Variants in BDP1 observed in about 807,000 individuals in gnomAD.
BDP1 encodes transcription factor TFIIIB component B'' homolog.
Under a neutral mutation model 266.6 loss-of-function variants are expected in BDP1, and 169 were observed. The ratio of observed to expected loss-of-function variants is 0.63; its 90% CI spans 0.56 to 0.72. The LOEUF (loss-of-function observed/expected upper bound fraction) is 0.72. Ranked by LOEUF, BDP1 falls within the 30% of genes least tolerant of loss-of-function variation. BDP1 has a pLI of 0.00. For synonymous variants in BDP1, 1,090 were observed against 1,022.4 expected, an observed-to-expected ratio of 1.07 and a Z score of -1.26; for missense variants, 3,015 against 3,053.8, an observed-to-expected ratio of 0.99 and a Z score of 0.30.
chr5:71,549,967 A>G (rs1742629002), intron 34 of BDP1, among the ~76,000 whole-genome samples: 1 of 152,244 alleles, frequency 6.6e-6, no homozygotes, highest in Non-Finnish European at 1.5e-5. Flanking sequence ...AAAATAGTAC[A>G]GTGGTAATAA....
chr5:71,559,578 A>G (rs1439034514), intron 36 of BDP1, among the ~76,000 whole-genome samples: 1 of 152,190 alleles, frequency 6.6e-6, no homozygotes, highest in Non-Finnish European at 1.5e-5. Context: ...AAACTTGAGT[A>G]TTTGAGAGTC....
chr5:71,491,612 AT>A (rs965793062), intron 11 of BDP1, among the ~76,000 whole-genome samples: 6 of 151,664 alleles, frequency 4.0e-5, no homozygotes, highest in South Asian at 2.1e-4. Context: ...GATCTCTGGA[AT>A]TTTTTTTTAC....
chr5:71,456,594 G>A (rs935403163), intron 1 of BDP1, among the ~76,000 whole-genome samples: 3 of 152,142 alleles, frequency 2.0e-5, no homozygotes, highest in South Asian at 4.1e-4. Context: ...GAATAGAGAA[G>A]CATGGCTTTA....
intron 8 of BDP1, among the ~76,000 whole-genome samples, chr5:71,486,061 G>A (rs952145223): frequency 6.6e-6 from 1 of 152,146 alleles, no homozygotes; most frequent in Non-Finnish European, 1.5e-5. Flanking sequence ...AGATAGCTTA[G>A]TGTGTTCTAG....
chr5:71,533,063 A>G (rs1191035202), intron 26 of BDP1, among the ~76,000 whole-genome samples: 2 of 152,184 alleles, frequency 1.3e-5, no homozygotes, highest in Admixed American at 1.3e-4. Flanking sequence ...TTTTCACTTA[A>G]TGTAACATTT....
intron 13 of BDP1, among the ~76,000 whole-genome samples, chr5:71,499,314 T>G (rs935795625): frequency 6.6e-6 from 1 of 152,142 alleles, no homozygotes; most frequent in Non-Finnish European, 1.5e-5. Context: ...TGAGCCACCG[T>G]GCCCTGCCAA....
intron 4 of BDP1, among the ~76,000 whole-genome samples, chr5:71,465,560 G>A (rs190197366): frequency 6.6e-6 from 1 of 152,146 alleles, no homozygotes; most frequent in African/African-American, 2.4e-5. Flanking sequence ...ACCATGTCCT[G>A]TCTGTTTCTC....
intron 28 of BDP1, 92 bp downstream of exon 28, chr5:71,539,741 C>A: frequency 2.6e-6 from 2 of 761,956 alleles, no homozygotes; most frequent in Non-Finnish European, 2.1e-6. Context: ...ACCCTTTTAC[C>A]TTTGAAGTTG....
intron 7 of BDP1, among the ~76,000 whole-genome samples, chr5:71,476,859 A>G (rs1231586809): frequency 2.0e-5 from 3 of 151,918 alleles, no homozygotes; most frequent in Non-Finnish European, 2.9e-5. Flanking sequence ...GCCCGCCACC[A>G]CGCCTGGCTA....
At chr5:71,517,587 C>A in intron 22 of BDP1, 135 bp downstream of exon 22, 1 of 718,378 alleles carries the variant, frequency 1.4e-6, no homozygotes, top group Non-Finnish European at 2.2e-6. Context: ...ACTTGTGATA[C>A]TAGAGTCTTT....
chr5:71,530,833 T>C (rs968374094), intron 25 of BDP1, among the ~76,000 whole-genome samples: 3 of 152,320 alleles, frequency 2.0e-5, no homozygotes, highest in Middle Eastern at 3.4e-3. Context: ...GTCCCAGCAC[T>C]TTGGGAAGCC....
At chr5:71,506,013 A>G (rs373589833) in intron 16 of BDP1, among the ~76,000 whole-genome samples, 12 of 152,134 alleles carry the variant, frequency 7.9e-5, no homozygotes, top group African/African-American at 2.4e-4. Context: ...TGCCCGGATT[A>G]TTTTACTAAT....
chr5:71,556,848 TA>T, intron 35 of BDP1, 37 bp from the exon 36 acceptor site: 1 of 1,030,674 alleles, frequency 9.7e-7, no homozygotes, highest in Non-Finnish European at 1.4e-6. Flanking sequence ...TTTTACTTGA[TA>T]AATTTCTAAA....
In BDP1 at chr5:71,544,355, A is replaced by C; in HGVS notation, c.6413-2A>C. 1 of 1,606,476 alleles carries C rather than the reference A, an allele frequency of 6.2e-7. No homozygotes were observed. ...ATATCGTAAGTGTGCTTTTTGTTTA[A>C]GAAACAGAGAAAAATGCTTCCAAAG... is the stretch of plus-strand genomic sequence containing the variant. On this transcript the variant is annotated splice_acceptor_variant, in intron 30 of 38. Transcript: ENST00000358731. LOFTEE classifies it high-confidence loss of function.
At chr5:71,524,473 C>T in intron 25 of BDP1, 150 bp downstream of exon 25, 2 of 861,286 alleles carry the variant, frequency 2.3e-6, no homozygotes, top group Non-Finnish European at 1.7e-6. Flanking sequence ...AATTTGGGGC[C>T]TTGTATAACC....
At chr5:71,541,201 C>T (rs1054391546) in intron 28 of BDP1, among the ~76,000 whole-genome samples, 6 of 152,084 alleles carry the variant, frequency 3.9e-5, no homozygotes, top group South Asian at 4.1e-4. Context: ...TACTAATAAT[C>T]GGATAAAATT....
intron 13 of BDP1, 82 bp downstream of exon 13, chr5:71,497,508 A>G: frequency 3.8e-6 from 4 of 1,056,640 alleles, no homozygotes; most frequent in Non-Finnish European, 5.5e-6. Flanking sequence ...TTGACTTGAA[A>G]TTACAAAGTA....
chr5:71,544,370 T>C lies in BDP1; in HGVS notation c.6426T>C (p.Asn2142=). 6.2e-7 allele frequency: 1 copy of C among 1,607,572 alleles called. No homozygotes were observed. The highest frequency in any genetic ancestry group is 8.5e-7 in the Non-Finnish European group (1 of 1,178,482). The change falls in exon 31 of 39, where the codon AAT becomes AAC. Residue 2142 remains asparagine, a synonymous_variant. Coordinates refer to ENST00000358731, the MANE Select transcript of BDP1 (RefSeq NM_018429.3). ...EMETQRETEK[N]ASKATELENK... ...TTTTTGTTTAAGAAACAGAGAAAAA[T>C]GCTTCCAAAGCAACAGAATTGGAAA... is the stretch of plus-strand genomic sequence containing the variant.
At chr5:71,482,204 C>G (rs1304278945) in intron 7 of BDP1, among the ~76,000 whole-genome samples, 3 of 152,164 alleles carry the variant, frequency 2.0e-5, no homozygotes, top group Non-Finnish European at 4.4e-5. Context: ...GTGAGGTACC[C>G]CTCTACACAG....
Sources: gnomAD v4.1 joint callset for allele counts (sites outside exome capture counted in the v4.1 genomes callset) on GRCh38, gnomAD v4.1.1 for gene constraint, MANE v1.5 for transcripts, NCBI Gene and HGNC (gene_info 2026-07-23, HGNC 2026-07-21) for gene names.